The following NUFIP2 variants were observed in gnomAD, a reference collection of about 807,000 sequenced individuals.
NUFIP2 encodes the protein nuclear FMR1 interacting protein 2.
A neutral mutation model predicts 56.9 loss-of-function variants in NUFIP2; 6 were observed. The ratio of observed to expected loss-of-function variants is 0.11; its 90% CI spans 0.06 to 0.21. The LOEUF is 0.21. Ranked by LOEUF, NUFIP2 falls within the 10% of genes least tolerant of loss-of-function variation. The pLI is 1.00. For synonymous variants in NUFIP2, 321 were observed against 298.2 expected (o/e 1.08, Z -0.79); for missense variants, 828 against 826.8 (o/e 1.00, Z -0.02).
chr17:29,290,653 C>CA lies in NUFIP2; in HGVS notation c.278-2938dup, dbSNP rs749932039. 9.5e-3 allele frequency among the ~76,000 whole-genome samples: 949 copies of CA among 99,376 alleles called. 3 individuals carry two copies. The highest frequency in any genetic ancestry group is 0.018 in the East Asian group (66 of 3,646). 65.2% of individuals were successfully genotyped at this position (99,376 alleles called of 152,430 possible). A position where few individuals can be genotyped will look rare whatever the true frequency, so the allele number is the denominator to read the frequency against. ...TGGGCCACAGAGTAAGGCTGTGTCT[C>CA]AAAAAAAAAAAAAAGAAAGAAAGAA... is the stretch of plus-strand genomic sequence containing the variant. On this transcript the variant is annotated intron_variant, in intron 1 of 3. Coordinates refer to ENST00000225388, the MANE Select transcript of NUFIP2 (RefSeq NM_020772.3).
chr17:29,293,727 AT>A, intron 1 of NUFIP2, 55 bp downstream of exon 1: 3 of 654,796 alleles, frequency 4.6e-6, no homozygotes, highest in Non-Finnish European at 7.1e-6. Context: ...CCCCACCCCC[AT>A]CTCTCCTGTC....
chr17:29,292,814 G>A (rs1193345071), intron 1 of NUFIP2, among the ~76,000 whole-genome samples: 1 of 139,176 alleles, frequency 7.2e-6, no homozygotes, highest in African/African-American at 2.6e-5. Context: ...AACCGCCCCC[G>A]CCCCTCACCC....
intron 2 of NUFIP2, among the ~76,000 whole-genome samples, chr17:29,275,447 G>A (rs1375459539): frequency 1.3e-5 from 2 of 152,176 alleles, no homozygotes; most frequent in Non-Finnish European, 2.9e-5. Flanking sequence ...ATGACCCCAG[G>A]AAGGTTATAG....
At chr17:29,270,351 C>A (rs943225475) in intron 2 of NUFIP2, among the ~76,000 whole-genome samples, 3 of 150,110 alleles carry the variant, frequency 2.0e-5, no homozygotes, top group Non-Finnish European at 4.4e-5. Context: ...AGATGACGAT[C>A]GGAAATTCTA....
chr17:29,256,587 G>A lies in NUFIP2; in HGVS notation c.*7952C>T, dbSNP rs2068972444. 6.6e-6 allele frequency: 1 copy of A among 151,720 alleles called. No individual in the cohort carries two copies. The highest frequency in any genetic ancestry group is 2.4e-5 in the African/African-American group (1 of 41,290). 9.4% of individuals were successfully genotyped at this position (151,720 alleles called of 1,614,324 possible). ...AATGGAAATATTTATTTTTTATGTAGGAGCATGGGGAAAATGCTATCAGTA... is the reference window on the plus strand; with the variant it reads ...AATGGAAATATTTATTTTTTATGTAAGAGCATGGGGAAAATGCTATCAGTA... On this transcript the variant is annotated 3_prime_UTR_variant, in exon 4 of 4. Coordinates refer to ENST00000225388, the MANE Select transcript of NUFIP2 (RefSeq NM_020772.3).
intron 3 of NUFIP2, among the ~76,000 whole-genome samples, chr17:29,267,266 C>G (rs2069043550): frequency 6.6e-6 from 1 of 151,310 alleles, no homozygotes; most frequent in Admixed American, 6.6e-5. Context: ...GCTGCCCAGG[C>G]TGGTCTTGAA....
Position 29,267,729 on chromosome 17 carries a change from G to C in NUFIP2, c.2003-199C>G, listed in dbSNP as rs952926316. Among the ~76,000 whole-genome samples the C allele has an allele frequency of 2.0e-5, 3 of 152,048 alleles. No individual in the cohort carries two copies. In the East Asian group the frequency reaches 5.8e-4, roughly 29 times the overall value. On this transcript the variant is annotated intron_variant, in intron 2 of 3. Coordinates refer to ENST00000225388, the MANE Select transcript of NUFIP2 (RefSeq NM_020772.3). Reference sequence around the variant, plus strand: ...TCTTTTTTTTAAGAGACAGGGTCTTGCTCTGTTACTGCAGCCTCAAACTCC... The same window carrying C: ...TCTTTTTTTTAAGAGACAGGGTCTTCCTCTGTTACTGCAGCCTCAAACTCC...
At chr17:29,278,149 G>C (rs1294209204) in intron 2 of NUFIP2, among the ~76,000 whole-genome samples, 5 of 152,144 alleles carry the variant, frequency 3.3e-5, no homozygotes, top group African/African-American at 4.8e-5. Context: ...TCCAGGATAA[G>C]AAGAATTATC....
intron 1 of NUFIP2, among the ~76,000 whole-genome samples, chr17:29,291,475 G>C (rs1318781591): frequency 2.0e-5 from 3 of 152,204 alleles, no homozygotes; most frequent in Non-Finnish European, 4.4e-5. Context: ...CAAAGCAACA[G>C]TACTGTGACC....
chr17:29,275,825 C>T (rs1598432266), intron 2 of NUFIP2, among the ~76,000 whole-genome samples: 1 of 151,844 alleles, frequency 6.6e-6, no homozygotes. Flanking sequence ...GTCAGGAGTT[C>T]GAGGCCAGCC....
chr17:29,281,359 G>T (rs772594336), intron 2 of NUFIP2, among the ~76,000 whole-genome samples: 7 of 151,764 alleles, frequency 4.6e-5, no homozygotes, highest in Non-Finnish European at 1.5e-5. Flanking sequence ...GGGCATTGCG[G>T]TGCACACCTG....
chr17:29,280,950 A>T (rs1232865363), intron 2 of NUFIP2, among the ~76,000 whole-genome samples: 1 of 147,506 alleles, frequency 6.8e-6, no homozygotes, highest in Non-Finnish European at 1.5e-5. Flanking sequence ...GCACCATTGT[A>T]CTCCATCCTG....
rs547419638 is a variant in NUFIP2, at chr17:29,277,813, G to T, written c.2002+8179C>A. Reference sequence around the variant, plus strand: ...GGATCACCTGAGGTCAGGAGTTTGAGACCAGCCTGACCAACATGGTGAAAC... The same window carrying T: ...GGATCACCTGAGGTCAGGAGTTTGATACCAGCCTGACCAACATGGTGAAAC... On this transcript the variant is annotated intron_variant, in intron 2 of 3. Coordinates refer to ENST00000225388, the MANE Select transcript of NUFIP2 (RefSeq NM_020772.3). 5.9e-5 allele frequency among the ~76,000 whole-genome samples: 9 copies of T among 152,238 alleles called. No individual in the cohort carries two copies. The South Asian group carries it at 1.9e-3, about 32-fold the overall frequency.
At position 29,287,353 on chromosome 17, in the gene NUFIP2, G is replaced by T; in HGVS notation, c.641C>A (p.Ser214Tyr). 6.2e-7 allele frequency: 1 copy of T among 1,614,048 alleles called. No individual in the cohort carries two copies. The highest frequency in any genetic ancestry group is 8.5e-7 in the Non-Finnish European group (1 of 1,180,004). ...GKGADNDGSGSESGYTTPKKR... is the reference protein window; with the variant it reads ...GKGADNDGSGYESGYTTPKKR... ...TTTAGGAGTTGTATATCCGCTCTCA[G>T]ATCCACTACCATCATTATCTGCTCC... The change falls in exon 2 of 4, where the codon TCT becomes TAT. Residue 214 changes from serine to tyrosine, a missense_variant. Ser to Tyr is a moderately radical substitution (Grantham distance 144, BLOSUM62 -2). Coordinates refer to ENST00000225388, the MANE Select transcript of NUFIP2 (RefSeq NM_020772.3).
intron 2 of NUFIP2, among the ~76,000 whole-genome samples, chr17:29,282,367 G>A (rs1395955294): frequency 4.6e-5 from 7 of 151,584 alleles, no homozygotes; most frequent in South Asian, 2.1e-4. Context: ...TGACCAACAC[G>A]GTAAAACCCT....
rs1475238079 is a variant in NUFIP2, at chr17:29,287,592, G to C, written c.402C>G (p.Ser134Arg). ...LNGNQQVVDTSLKQTVKANTF... is the reference protein window; with the variant it reads ...LNGNQQVVDTRLKQTVKANTF... The stretch of plus-strand genomic sequence containing the variant: ...TGTTGGCCTTTACAGTCTGCTTCAG[G>C]CTAGTGTCTACAACTTGCTGGTTGC... The change falls in exon 2 of 4, where the codon AGC becomes AGG. Residue 134 changes from serine to arginine, a missense_variant. Around this residue, in one of 3 missense-constraint regions of NUFIP2, gnomAD observed 415 missense variants for 408.7 expected, o/e 1.02. Transcript: ENST00000225388. 6.2e-7 allele frequency: 1 copy of C among 1,613,858 alleles called. No individual in the cohort carries two copies. Among genetic ancestry groups the C allele is most frequent in the Non-Finnish European group, 8.5e-7 (1 of 1,180,008 alleles).
At chr17:29,284,732 AAAAAG>A (rs2069161931) in intron 2 of NUFIP2, among the ~76,000 whole-genome samples, 2 of 151,426 alleles carry the variant, frequency 1.3e-5, no homozygotes, top group African/African-American at 2.4e-5. Context: ...AAAAAAGAAA[AAAAAG>A]AAAAGAAAGT....
chr17:29,270,175 T>C (rs559045492), intron 2 of NUFIP2, among the ~76,000 whole-genome samples: 1 of 152,290 alleles, frequency 6.6e-6, no homozygotes, highest in Non-Finnish European at 1.5e-5. Context: ...AAACCAAATC[T>C]GGGAGTTTAA....
rs1448405564 is a variant in NUFIP2, at chr17:29,287,271, C to T, written c.723G>A (p.Gln241=). ...TGGTCTCTTGTTGCATTATTTTGTC[C>T]TGCACTATATTAAGGTTTTCACAAC... is the stretch of plus-strand genomic sequence containing the variant. ...AKGCENLNIV[Q]DKIMQQETSV... Residue 241 remains glutamine, a synonymous_variant, in exon 2 of 4, where the codon CAG becomes CAA. Coordinates refer to ENST00000225388, the MANE Select transcript of NUFIP2 (RefSeq NM_020772.3). The T allele has an allele frequency of 6.2e-7, 1 of 1,614,152 alleles. No homozygotes were observed. The highest frequency in any genetic ancestry group is 1.7e-5 in the Admixed American group (1 of 60,012).
Sources: allele counts gnomAD v4.1 joint callset (sites outside exome capture counted in the v4.1 genomes callset), GRCh38; gene constraint gnomAD v4.1.1; regional missense constraint gnomAD v4.1.1; transcripts MANE v1.5; gene names NCBI Gene and HGNC (gene_info 2026-07-23, HGNC 2026-07-21).